GPR158: variants seen among roughly 807,000 people sequenced by gnomAD.
GPR158 encodes metabotropic glycine receptor.
GPR158 carries 30 observed loss-of-function variants against 78.2 expected under a neutral mutation model. That is an observed-to-expected ratio of 0.38 (90% CI 0.29 to 0.52). The LOEUF (loss-of-function observed/expected upper bound fraction) is 0.52, where lower values mean the gene tolerates loss of function less well. GPR158 is among the 20% of genes least tolerant of loss of function. The pLI, the probability that GPR158 is intolerant of heterozygous loss-of-function variation, is 0.83. For missense variants in GPR158, 1,463 were observed against 1,523.5 expected (o/e 0.96, Z 0.66); for synonymous variants, 581 against 591.1 (o/e 0.98, Z 0.25).
chr10:25,201,138 A>G (rs1179546532), intron 1 of GPR158, among the ~76,000 whole-genome samples: 1 of 152,150 alleles, frequency 6.6e-6, no homozygotes, highest in African/African-American at 2.4e-5. Flanking sequence ...ATCCATGAGC[A>G]TGGAATATTT....
At chr10:25,181,462 A>G (rs1316265219) in intron 1 of GPR158, among the ~76,000 whole-genome samples, 2 of 152,180 alleles carry the variant, frequency 1.3e-5, no homozygotes, top group African/African-American at 4.8e-5. Context: ...TGTAACTTAT[A>G]TAGAGGTTTA....
intron 2 of GPR158, among the ~76,000 whole-genome samples, chr10:25,391,171 G>A (rs1242380680): frequency 6.6e-6 from 1 of 152,128 alleles, no homozygotes; most frequent in African/African-American, 2.4e-5. Context: ...TGCTGCAGGG[G>A]TGGGTCCCTC....
chr10:25,256,596 G>A (rs998629972), intron 2 of GPR158, among the ~76,000 whole-genome samples: 9 of 151,954 alleles, frequency 5.9e-5, no homozygotes, highest in Middle Eastern at 3.2e-3. Context: ...GAGGCGGTAG[G>A]AGTGCTTGAG....
intron 2 of GPR158, among the ~76,000 whole-genome samples, chr10:25,250,004 T>G (rs1384845647): frequency 1.0e-4 from 15 of 146,070 alleles, no homozygotes; most frequent in African/African-American, 3.8e-4. Context: ...GTTATTGGTC[T>G]ATTCAGAGAT....
At chr10:25,500,017 A>G (rs1835932195) in intron 5 of GPR158, among the ~76,000 whole-genome samples, 1 of 152,360 alleles carries the variant, frequency 6.6e-6, no homozygotes, top group East Asian at 1.9e-4. Context: ...ATGTGATTTT[A>G]GCATATGATT....
chr10:25,382,770 A>G (rs891764382), intron 2 of GPR158, among the ~76,000 whole-genome samples: 9 of 152,084 alleles, frequency 5.9e-5, no homozygotes, highest in African/African-American at 2.2e-4. Flanking sequence ...TTTTAGTACA[A>G]AGTCTCCCCA....
chr10:25,580,914 T>TTTTA, intron 7 of GPR158, among the ~76,000 whole-genome samples: 1 of 66,116 alleles, frequency 1.5e-5, no homozygotes, highest in African/African-American at 7.7e-5. Context: ...TTTTATTTTA[T>TTTTA]TTTATTTTAT....
At chr10:25,273,469 A>G (rs939586424) in intron 2 of GPR158, among the ~76,000 whole-genome samples, 1 of 136,748 alleles carries the variant, frequency 7.3e-6, no homozygotes, top group African/African-American at 2.8e-5. Flanking sequence ...CATTATGTGT[A>G]GAAAATAGCA....
chr10:25,468,922 A>G (rs1835458491), intron 5 of GPR158, among the ~76,000 whole-genome samples: 1 of 152,220 alleles, frequency 6.6e-6, no homozygotes, highest in Non-Finnish European at 1.5e-5. Flanking sequence ...CAGTAAAGAC[A>G]GGATGCTGTG....
intron 4 of GPR158, among the ~76,000 whole-genome samples, chr10:25,418,861 A>G (rs981481249): frequency 6.7e-6 from 1 of 150,062 alleles, no homozygotes; most frequent in Non-Finnish European, 1.5e-5. Context: ...GACACACTGT[A>G]GTTGGTATTT....
At chr10:25,386,784 A>C (rs1393082673) in intron 2 of GPR158, among the ~76,000 whole-genome samples, 1 of 152,156 alleles carries the variant, frequency 6.6e-6, no homozygotes, top group Non-Finnish European at 1.5e-5. Flanking sequence ...TTTTATATAG[A>C]AACAACCAAT....
At chr10:25,342,240 G>GT (rs1469016286) in intron 2 of GPR158, among the ~76,000 whole-genome samples, 4 of 92,564 alleles carry the variant, frequency 4.3e-5, no homozygotes, top group Non-Finnish European at 9.5e-5. Context: ...GAAGGGAACT[G>GT]TTTTATTTTT....
chr10:25,356,148 C>T (rs552309562), intron 2 of GPR158, among the ~76,000 whole-genome samples: 1 of 152,154 alleles, frequency 6.6e-6, no homozygotes, highest in Admixed American at 6.5e-5. Flanking sequence ...ATTTTCTTGA[C>T]ATTTGGTGCC....
At chr10:25,433,961 C>A (rs541483790) in intron 4 of GPR158, among the ~76,000 whole-genome samples, 2 of 151,700 alleles carry the variant, frequency 1.3e-5, no homozygotes, top group African/African-American at 4.8e-5. Flanking sequence ...AGATTGAGAC[C>A]GTCCTGGCTA....
intron 1 of GPR158, among the ~76,000 whole-genome samples, chr10:25,205,029 G>T (rs559750922): frequency 7.2e-5 from 11 of 151,998 alleles, no homozygotes; most frequent in African/African-American, 2.7e-4. Context: ...GAGACCTGAT[G>T]ATTTTATAAG....
intron 2 of GPR158, among the ~76,000 whole-genome samples, chr10:25,336,718 C>A (rs1416017879): frequency 6.6e-6 from 1 of 152,072 alleles, no homozygotes; most frequent in Admixed American, 6.6e-5. Flanking sequence ...TTGCAGACAT[C>A]TTGTGATCAC....
intron 1 of GPR158, among the ~76,000 whole-genome samples, chr10:25,193,848 T>C: frequency 6.7e-6 from 1 of 148,150 alleles, no homozygotes; most frequent in Non-Finnish European, 1.5e-5. Context: ...TTCTCAAGTT[T>C]AAATGAATAA....
chr10:25,214,747 A>C (rs1373976129), intron 1 of GPR158, among the ~76,000 whole-genome samples: 1 of 151,936 alleles, frequency 6.6e-6, no homozygotes, highest in Non-Finnish European at 1.5e-5. Context: ...CCTTATAAGA[A>C]ATGAGGAGAC....
intron 4 of GPR158, among the ~76,000 whole-genome samples, chr10:25,440,432 T>C (rs1835053172): frequency 1.3e-5 from 2 of 152,216 alleles, no homozygotes; most frequent in Non-Finnish European, 2.9e-5. Context: ...AAACAAAACA[T>C]TGGTTTCCAT....
Sources: allele counts gnomAD v4.1 joint callset (sites outside exome capture counted in the v4.1 genomes callset), GRCh38; gene constraint gnomAD v4.1.1; transcripts MANE v1.5; gene names NCBI Gene and HGNC (gene_info 2026-07-23, HGNC 2026-07-21).